Variants in LARP4B observed in about 807,000 individuals in gnomAD.
LARP4B encodes La ribonucleoprotein 4B, also known as la-related protein 4B.
A neutral mutation model predicts 89.8 loss-of-function variants in LARP4B; 12 were observed. That is an observed-to-expected ratio of 0.13 (90% CI 0.09 to 0.22). The LOEUF (loss-of-function observed/expected upper bound fraction) is 0.22. Among genes scored for constraint, LARP4B ranks in the 10% least tolerant of loss-of-function variants. The pLI, the probability that LARP4B is intolerant of heterozygous loss-of-function variation, is 1.00. For missense variants in LARP4B, 757 were observed against 947.7 expected, an observed-to-expected ratio of 0.80 and a Z score of 2.64; for synonymous variants, 367 against 363.3, an observed-to-expected ratio of 1.01 and a Z score of -0.12.
At chr10:887,618 G>A (rs1835898025) in intron 1 of LARP4B, among the ~76,000 whole-genome samples, 1 of 151,840 alleles carries the variant, frequency 6.6e-6, no homozygotes, top group South Asian at 2.1e-4. Context: ...GGCTGAGGCA[G>A]GAGAATCACT....
intron 1 of LARP4B, among the ~76,000 whole-genome samples, chr10:896,412 C>T (rs1315759710): frequency 6.6e-6 from 1 of 152,146 alleles, no homozygotes; most frequent in East Asian, 1.9e-4. Flanking sequence ...CCTTCACACA[C>T]TTCAACCAAA....
intron 12 of LARP4B, 118 bp downstream of exon 12, chr10:825,646 T>C (rs1832579325): frequency 1.5e-6 from 1 of 685,370 alleles, no homozygotes; most frequent in South Asian, 1.9e-5. Context: ...AATGCAGCTG[T>C]GTGCTTCAGG....
intron 3 of LARP4B, among the ~76,000 whole-genome samples, chr10:869,801 T>G (rs1159327800): frequency 1.3e-5 from 2 of 151,766 alleles, no homozygotes; most frequent in Non-Finnish European, 2.9e-5. Flanking sequence ...CGAGAATTAC[T>G]TGAACCCGGC....
chr10:817,167 C>T (rs1369661793), intron 15 of LARP4B, among the ~76,000 whole-genome samples: 1 of 152,180 alleles, frequency 6.6e-6, no homozygotes, highest in African/African-American at 2.4e-5. Flanking sequence ...ACCTCCTAAG[C>T]ACATTAGAGG....
chr10:897,188 C>G (rs2131974502), intron 1 of LARP4B, among the ~76,000 whole-genome samples: 2 of 152,170 alleles, frequency 1.3e-5, no homozygotes, highest in Non-Finnish European at 2.9e-5. Context: ...ACAAACAGAT[C>G]AATACAATAG....
intron 1 of LARP4B, among the ~76,000 whole-genome samples, chr10:917,177 C>T (rs541980201): frequency 3.3e-5 from 5 of 152,244 alleles, no homozygotes; most frequent in African/African-American, 7.2e-5. Flanking sequence ...ATGATTTTGA[C>T]GACTTTTTGT....
chr10:820,960 G>A (rs1332098191), intron 13 of LARP4B, 115 bp from the exon 14 acceptor site: 3 of 874,898 alleles, frequency 3.4e-6, no homozygotes, highest in Non-Finnish European at 5.3e-6. Context: ...TTATCACTTT[G>A]AAACCTTTCA....
chr10:808,307 T>G (rs1313065657), downstream of LARP4B: 1 of 152,192 alleles, frequency 6.6e-6, no homozygotes, highest in Non-Finnish European at 1.5e-5. Flanking sequence ...ATACTTCGAG[T>G]TAATACACAT....
chr10:841,014 G>A (rs572753554), intron 7 of LARP4B, among the ~76,000 whole-genome samples: 2 of 152,254 alleles, frequency 1.3e-5, no homozygotes, highest in Admixed American at 6.5e-5. Context: ...TTAGCTGGGC[G>A]TGGTGGTGCA....
chr10:918,468 A>C (rs1391216978), intron 1 of LARP4B, among the ~76,000 whole-genome samples: 1 of 151,944 alleles, frequency 6.6e-6, no homozygotes, highest in Non-Finnish European at 1.5e-5. Flanking sequence ...ACCCATCTCT[A>C]CAAAAAAATA....
chr10:965,448 C>T, the LARP4B span, among the ~76,000 whole-genome samples: 7 of 152,222 alleles, frequency 4.6e-5, 1 homozygote, highest in East Asian at 1.9e-4. Context: ...CCCCGTTTCT[C>T]GGTTACACAA....
the LARP4B span, among the ~76,000 whole-genome samples, chr10:970,541 A>G: frequency 1.3e-5 from 2 of 152,180 alleles, no homozygotes; most frequent in Non-Finnish European, 2.9e-5. Context: ...GTCCTTTGAA[A>G]GCACTCATCG....
intron 1 of LARP4B, chr10:903,406 A>G (rs1588976694): frequency 6.6e-6 from 1 of 152,372 alleles, no homozygotes; most frequent in Admixed American, 6.5e-5. Flanking sequence ...ACCTTAAGGA[A>G]TTGCATATAT....
chr10:907,257 C>T (rs144990995), intron 1 of LARP4B, among the ~76,000 whole-genome samples: 63 of 152,254 alleles, frequency 4.1e-4, no homozygotes, highest in Middle Eastern at 3.4e-3. Context: ...AATTTATTAT[C>T]TTGTGGCAAC....
At chr10:887,425 AAAG>A (rs1751968939) in intron 1 of LARP4B, among the ~76,000 whole-genome samples, 1 of 152,026 alleles carries the variant, frequency 6.6e-6, no homozygotes, top group African/African-American at 2.4e-5. Context: ...AAAAAAAAAA[AAAG>A]GTCAGATGTG....
intron 5 of LARP4B, among the ~76,000 whole-genome samples, chr10:859,288 A>AT (rs1340723728): frequency 2.0e-5 from 3 of 151,830 alleles, no homozygotes; most frequent in African/African-American, 7.3e-5. Flanking sequence ...AAAAAAAAAA[A>AT]AAATCAGAAA....
chr10:928,654 T>G (rs1248586526), intron 1 of LARP4B, among the ~76,000 whole-genome samples: 12 of 152,290 alleles, frequency 7.9e-5, no homozygotes, highest in Non-Finnish European at 2.9e-5. Flanking sequence ...GGATCATGGC[T>G]CACTGCAGCC....
Position 882,615 on chromosome 10 carries a change from A to T in LARP4B, c.141+1832T>A, listed in dbSNP as rs541586273. Among the ~76,000 whole-genome samples the T allele has an allele frequency of 3.9e-5, 6 of 152,230 alleles. No individual in the cohort carries two copies. The East Asian group carries it at 1.2e-3, about 29-fold the overall frequency. On this transcript the variant is annotated intron_variant, in intron 3 of 17. Coordinates refer to ENST00000316157, the MANE Select transcript of LARP4B (RefSeq NM_015155.3). ...TGTTAGCCAGGATGGTCTCGATCTC[A>T]GGGAAACCATATTCTTACAGTCTAA...
intron 5 of LARP4B, 40 bp downstream of exon 5, chr10:863,703 C>A: frequency 6.5e-7 from 1 of 1,550,280 alleles, no homozygotes; most frequent in Admixed American, 2.1e-5. Flanking sequence ...ATAAAGCAGC[C>A]CATATTCCCT....
Sources: allele counts gnomAD v4.1 joint callset (sites outside exome capture counted in the v4.1 genomes callset), GRCh38; gene constraint gnomAD v4.1.1; transcripts MANE v1.5; gene names NCBI Gene and HGNC (gene_info 2026-07-23, HGNC 2026-07-21).